ZC3H18: variants seen among roughly 807,000 people sequenced by gnomAD.
ZC3H18 encodes the protein zinc finger CCCH domain-containing protein 18.
In ZC3H18, 8 loss-of-function variants were observed where a neutral mutation model predicts 106.1. That is an observed-to-expected ratio of 0.08 (90% confidence interval 0.04 to 0.14). The LOEUF (loss-of-function observed/expected upper bound fraction) is 0.14. ZC3H18 is among the 10% of genes least tolerant of loss of function. The pLI is 1.00. For synonymous variants in ZC3H18, 635 were observed against 522.1 expected, an observed-to-expected ratio of 1.22 and a Z score of -2.95; for missense variants, 1,318 against 1,278.4, an observed-to-expected ratio of 1.03 and a Z score of -0.47.
intron 3 of ZC3H18, among the ~76,000 whole-genome samples, chr16:88,596,582 G>C (rs561465469): frequency 1.5e-4 from 23 of 152,208 alleles, no homozygotes; most frequent in Admixed American, 1.2e-3. Flanking sequence ...GGAGGTTGCA[G>C]TGAGCCGAGA....
chr16:88,603,922 C>T (rs770047874), intron 6 of ZC3H18, among the ~76,000 whole-genome samples: 4 of 151,832 alleles, frequency 2.6e-5, no homozygotes, highest in South Asian at 4.2e-4. Context: ...CGTGAGCCAC[C>T]GTGCCCAGCC....
At chr16:88,600,304 C>G (rs879494242) in intron 6 of ZC3H18, among the ~76,000 whole-genome samples, 1 of 152,206 alleles carries the variant, frequency 6.6e-6, no homozygotes, top group Non-Finnish European at 1.5e-5. Context: ...AGCCAGGAAA[C>G]GTGTGGAGGT....
intron 3 of ZC3H18, among the ~76,000 whole-genome samples, chr16:88,595,684 G>A (rs890065387): frequency 6.6e-5 from 10 of 151,514 alleles, no homozygotes; most frequent in Non-Finnish European, 1.0e-4. Context: ...GTGCACACCT[G>A]TAATCCCAGC....
intron 2 of ZC3H18, among the ~76,000 whole-genome samples, chr16:88,582,224 T>TC (rs1915178126): frequency 7.8e-6 from 1 of 128,460 alleles, no homozygotes; most frequent in Non-Finnish European, 1.7e-5. Flanking sequence ...CTTTTCTTTT[T>TC]TTTTTTTTTT....
At chr16:88,618,287 G>T (rs150438708) in intron 8 of ZC3H18, among the ~76,000 whole-genome samples, 114 of 152,228 alleles carry the variant, frequency 7.5e-4, no homozygotes, top group African/African-American at 2.6e-3. Context: ...AGAGCATGTG[G>T]CCCGTAGCTA....
intron 1 of ZC3H18, among the ~76,000 whole-genome samples, chr16:88,570,775 C>A (rs1199203813): frequency 5.3e-5 from 8 of 152,088 alleles, no homozygotes; most frequent in African/African-American, 1.9e-4. Context: ...CGTAAGCCGG[C>A]CCCGCGGTCC....
chr16:88,624,972 A>G lies in ZC3H18; in HGVS notation c.2042+227A>G, dbSNP rs186681683. Among the ~76,000 whole-genome samples, 506 of 152,334 alleles carry G rather than the reference A, an allele frequency of 3.3e-3. 3 individuals carry two copies. Among genetic ancestry groups the G allele is most frequent in the African/African-American group, 0.012 (490 of 41,584 alleles). ...GAAGGGACAGCGTGGCACGGAGCACAGGCCTTCCCGCCATGGCCCCGTCTG... is the reference window on the plus strand; with the variant it reads ...GAAGGGACAGCGTGGCACGGAGCACGGGCCTTCCCGCCATGGCCCCGTCTG... On this transcript the variant is annotated intron_variant, in intron 12 of 17. Transcript: ENST00000301011.
At chr16:88,581,143 C>G (rs768292736) in intron 2 of ZC3H18, among the ~76,000 whole-genome samples, 2 of 152,148 alleles carry the variant, frequency 1.3e-5, no homozygotes, top group Non-Finnish European at 2.9e-5. Flanking sequence ...TTCTCTTTTT[C>G]TTAGTTTTGA....
At chr16:88,596,826 C>T (rs1250723260) in intron 3 of ZC3H18, among the ~76,000 whole-genome samples, 2 of 152,232 alleles carry the variant, frequency 1.3e-5, no homozygotes, top group Non-Finnish European at 2.9e-5. Context: ...TGTGTTGAGT[C>T]TCAGATGGAT....
Position 88,628,741 on chromosome 16 carries a change from C to T in ZC3H18, c.2470-17C>T. On this transcript the variant is annotated splice_polypyrimidine_tract_variant and intron_variant, in intron 15 of 17. Coordinates refer to ENST00000301011, the MANE Select transcript of ZC3H18 (RefSeq NM_144604.4). ...CTCCTGGCCCTGCTGTCCTCACTGG[C>T]CTCTCTCTTGTCCCAGGCGGCTGAT... 6.2e-7 allele frequency: 1 copy of T among 1,613,682 alleles called. No individual in the cohort carries two copies. The highest frequency in any genetic ancestry group is 8.5e-7 in the Non-Finnish European group (1 of 1,179,740).
At chr16:88,582,483 G>C (rs1915195465) in intron 2 of ZC3H18, among the ~76,000 whole-genome samples, 1 of 152,006 alleles carries the variant, frequency 6.6e-6, no homozygotes, top group South Asian at 2.1e-4. Context: ...TTTATGTCTG[G>C]ATCCATGAGC....
intron 6 of ZC3H18, among the ~76,000 whole-genome samples, chr16:88,607,998 C>G (rs1905091739): frequency 2.0e-5 from 3 of 152,208 alleles, no homozygotes; most frequent in South Asian, 2.1e-4. Flanking sequence ...TGCCTCCTAA[C>G]TGGTTATAAT....
chr16:88,571,816 T>C (rs1321974326), intron 1 of ZC3H18: 2 of 281,034 alleles, frequency 7.1e-6, no homozygotes, highest in Non-Finnish European at 1.1e-5. Flanking sequence ...TCACCAACCT[T>C]GATAACGTTC....
intron 2 of ZC3H18, among the ~76,000 whole-genome samples, chr16:88,582,436 C>G (rs1915192639): frequency 6.6e-6 from 1 of 152,004 alleles, no homozygotes; most frequent in Non-Finnish European, 1.5e-5. Context: ...CTTGGCCAGG[C>G]TGGTCTTGAC....
At chr16:88,630,724 G>A (rs1365078922) in intron 17 of ZC3H18, 143 bp downstream of exon 17, 1 of 651,636 alleles carries the variant, frequency 1.5e-6, no homozygotes. Flanking sequence ...CGGGGTGAGG[G>A]GCATGGACAG....
intron 11 of ZC3H18, 111 bp downstream of exon 11, chr16:88,624,173 G>T: frequency 6.9e-7 from 1 of 1,446,396 alleles, no homozygotes; most frequent in Non-Finnish European, 9.3e-7. Flanking sequence ...AGGTGAGGAT[G>T]CCTCAGGGGG....
intron 13 of ZC3H18, chr16:88,625,509 C>T: frequency 1.8e-6 from 1 of 548,190 alleles, no homozygotes; most frequent in Non-Finnish European, 3.3e-6. Flanking sequence ...CGGGGGCACT[C>T]AGGTCAGGAG....
intron 5 of ZC3H18, among the ~76,000 whole-genome samples, chr16:88,598,975 C>T (rs943870818): frequency 6.6e-6 from 1 of 152,208 alleles, no homozygotes; most frequent in Admixed American, 6.5e-5. Context: ...TTCTCCTGCT[C>T]GGCCTCCCAA....
intron 6 of ZC3H18, among the ~76,000 whole-genome samples, chr16:88,605,993 C>G (rs1041426795): frequency 6.6e-6 from 1 of 152,234 alleles, no homozygotes; most frequent in Non-Finnish European, 1.5e-5. Context: ...AGTGCAGATT[C>G]CACGTGTGTG....
Sources: allele counts gnomAD v4.1 joint callset (sites outside exome capture counted in the v4.1 genomes callset), GRCh38; gene constraint gnomAD v4.1.1; transcripts MANE v1.5; gene names NCBI Gene and HGNC (gene_info 2026-07-23, HGNC 2026-07-21).